APBB2: variants seen among roughly 807,000 people sequenced by gnomAD.
APBB2 encodes amyloid beta precursor protein binding family B member 2, also known as Fe65-like 1.
Under a neutral mutation model 82.5 loss-of-function variants are expected in APBB2, and 38 were observed. That is an observed-to-expected ratio of 0.46 (90% CI 0.36 to 0.60). The LOEUF is 0.60. APBB2 is among the 20% of genes least tolerant of loss of function. The probability of loss-of-function intolerance (pLI) is 0.00; values close to 1 mark genes in which losing one functional copy is unlikely to be tolerated. For synonymous variants in APBB2, 341 were observed against 368.2 expected (o/e 0.93, Z 0.85); for missense variants, 772 against 972.3 (o/e 0.79, Z 2.74).
intron 5 of APBB2, among the ~76,000 whole-genome samples, chr4:41,032,203 C>T (rs1361390580): frequency 6.6e-6 from 1 of 152,116 alleles, no homozygotes; most frequent in East Asian, 1.9e-4. Flanking sequence ...TTGCCAATGG[C>T]TTAAATCTAC....
Position 40,890,493 on chromosome 4 carries a change from T to G in APBB2, c.1402-2A>C. ...CAGGATCAGGTACATGTCTTTCCCCTGGGACACAACGAGAAAACACGCTGT... is the reference window on the plus strand; with the variant it reads ...CAGGATCAGGTACATGTCTTTCCCCGGGGACACAACGAGAAAACACGCTGT... On this transcript the variant is annotated splice_acceptor_variant, in intron 11 of 17. Transcript: ENST00000508593. LOFTEE classifies it high-confidence loss of function. The G allele has an allele frequency of 6.2e-7, 1 of 1,613,604 alleles. No individual in the cohort carries two copies. Among genetic ancestry groups the G allele is most frequent in the Non-Finnish European group, 8.5e-7 (1 of 1,179,872 alleles).
At chr4:40,915,361 T>A (rs545404969) in intron 10 of APBB2, among the ~76,000 whole-genome samples, 1 of 152,316 alleles carries the variant, frequency 6.6e-6, no homozygotes, top group South Asian at 2.1e-4. Flanking sequence ...TCCACTTGTG[T>A]GGTTCTCTCT....
chr4:41,143,671 TA>T (rs1295714553), intron 1 of APBB2, among the ~76,000 whole-genome samples: 1 of 152,198 alleles, frequency 6.6e-6, no homozygotes, highest in Non-Finnish European at 1.5e-5. Flanking sequence ...GTGGGGGCTA[TA>T]AAAAATTCTA....
At chr4:41,071,739 T>A (rs1733972839) in intron 3 of APBB2, among the ~76,000 whole-genome samples, 1 of 152,128 alleles carries the variant, frequency 6.6e-6, no homozygotes, top group African/African-American at 2.4e-5. Context: ...TTGAGAATGA[T>A]CACGATTTTC....
chr4:41,003,626 T>C (rs181207331), intron 6 of APBB2, among the ~76,000 whole-genome samples: 63 of 152,314 alleles, frequency 4.1e-4, no homozygotes, highest in South Asian at 2.1e-3. Context: ...TGTCACACAT[T>C]TCTGGGAACC....
chr4:41,120,847 A>G (rs1752602409), intron 2 of APBB2, among the ~76,000 whole-genome samples: 1 of 152,248 alleles, frequency 6.6e-6, no homozygotes, highest in Non-Finnish European at 1.5e-5. Context: ...AATCAAGTGA[A>G]AAGTCAAATA....
At position 40,810,293 on chromosome 4, in the gene APBB2, G is replaced by A. The variant is rs1744156609; in HGVS notation, c.*5799C>T. The A allele has an allele frequency of 6.6e-6, 1 of 151,920 alleles. No homozygotes were observed. Among genetic ancestry groups the A allele is most frequent in the African/African-American group, 2.4e-5 (1 of 41,364 alleles). The allele number at this position is 151,920 out of a possible 1,614,324, so 9.4% of individuals were successfully genotyped here. ...ATCAGTAAAACGTGTCAGTGGGCTG[G>A]GTGCAGTGGCTCACATCTGTAATCT... On this transcript the variant is annotated 3_prime_UTR_variant, in exon 18 of 18. Coordinates refer to ENST00000508593, the MANE Select transcript of APBB2 (RefSeq NM_004307.2).
At chr4:40,925,902 C>T (rs753938968) in intron 10 of APBB2, among the ~76,000 whole-genome samples, 49 of 152,280 alleles carry the variant, frequency 3.2e-4, no homozygotes, top group Non-Finnish European at 4.7e-4. Context: ...CATGTCCATT[C>T]GCCATTCAGT....
intron 10 of APBB2, among the ~76,000 whole-genome samples, chr4:40,918,789 T>G (rs1162902004): frequency 6.6e-6 from 1 of 151,590 alleles, no homozygotes; most frequent in Non-Finnish European, 1.5e-5. Context: ...GTTTTTGTTT[T>G]TTTTAACAGA....
chr4:40,890,570 G>A lies in APBB2; in HGVS notation c.1402-79C>T. On this transcript the variant is annotated intron_variant, in intron 11 of 17. Coordinates refer to ENST00000508593, the MANE Select transcript of APBB2 (RefSeq NM_004307.2). ...ATCGTGTGTGTGGCCATCTAGGAAT[G>A]CCGTGTCAACCATCAGAAGAAGCCA... 4 of 1,560,496 alleles carry A rather than the reference G, an allele frequency of 2.6e-6. No individual in the cohort carries two copies. The Admixed American group carries it at 7.1e-5, about 28-fold the overall frequency.
chr4:41,133,100 A>T (rs1434208050), intron 2 of APBB2, among the ~76,000 whole-genome samples: 2 of 152,232 alleles, frequency 1.3e-5, no homozygotes, highest in African/African-American at 4.8e-5. Flanking sequence ...TGGTAATCAC[A>T]TTGATTCCAC....
At chr4:41,156,411 CG>C (rs376174197) in intron 1 of APBB2, among the ~76,000 whole-genome samples, 3 of 152,168 alleles carry the variant, frequency 2.0e-5, no homozygotes, top group African/African-American at 4.8e-5. Flanking sequence ...CCGAGTACAC[CG>C]GGGGTCGAGG....
In APBB2 at chr4:40,935,091, T is replaced by TATTA; in HGVS notation, c.1089_1092dup (p.Ser365Ter). 1 of 1,535,276 alleles carries TATTA rather than the reference T, an allele frequency of 6.5e-7. No homozygotes were observed. The highest frequency in any genetic ancestry group is 8.7e-7 in the Non-Finnish European group (1 of 1,145,324). ...AATATACTTGCCTTCCAAATGTCAC[T>TATTA]ATTAATCTTTCCCCCATTCAGAACA... On this transcript the variant is annotated stop_gained and frameshift_variant, in exon 8 of 18. Transcript: ENST00000508593. LOFTEE classifies it high-confidence loss of function.
chr4:41,201,453 G>GAA (rs1169242308), intron 1 of APBB2, among the ~76,000 whole-genome samples: 1 of 152,220 alleles, frequency 6.6e-6, no homozygotes, highest in Non-Finnish European at 1.5e-5. Context: ...AACAAAATAT[G>GAA]AAAAGTGGCT....
intron 2 of APBB2, among the ~76,000 whole-genome samples, 184 bp downstream of exon 2, chr4:41,142,803 G>A (rs536145196): frequency 1.3e-5 from 2 of 152,232 alleles, no homozygotes; most frequent in South Asian, 4.2e-4. Context: ...AGGAAAGGAA[G>A]ACATCATTAC....
At chr4:41,085,250 CAAAAAA>C (rs71198629) in intron 3 of APBB2, among the ~76,000 whole-genome samples, 1 of 66,180 alleles carries the variant, frequency 1.5e-5, no homozygotes, top group South Asian at 5.5e-4. Flanking sequence ...GACTCTGTCT[CAAAAAA>C]AAAAAAAAAA....
At chr4:41,172,290 C>T (rs567796305) in intron 1 of APBB2, among the ~76,000 whole-genome samples, 7 of 151,844 alleles carry the variant, frequency 4.6e-5, no homozygotes, top group African/African-American at 1.4e-4. Flanking sequence ...TAATGCAAAC[C>T]GTACCCTCAT....
intron 1 of APBB2, among the ~76,000 whole-genome samples, chr4:41,202,439 G>C (rs963820207): frequency 6.6e-6 from 1 of 152,072 alleles, no homozygotes; most frequent in Non-Finnish European, 1.5e-5. Context: ...GAACACACAA[G>C]AATTATTTTT....
intron 5 of APBB2, among the ~76,000 whole-genome samples, chr4:41,016,956 G>A (rs1810152107): frequency 6.6e-6 from 1 of 152,034 alleles, no homozygotes; most frequent in Non-Finnish European, 1.5e-5. Flanking sequence ...AGTACAAGTG[G>A]CAGGAGCATG....
Sources: allele counts gnomAD v4.1 joint callset (sites outside exome capture counted in the v4.1 genomes callset), GRCh38; gene constraint gnomAD v4.1.1; transcripts MANE v1.5; gene names NCBI Gene and HGNC (gene_info 2026-07-23, HGNC 2026-07-21).